The following ERC1 variants were observed in gnomAD, a reference collection of about 807,000 sequenced individuals.
The protein encoded by ERC1 is ELKS/RAB6-interacting/CAST family member 1.
Under a neutral mutation model 132.0 loss-of-function variants are expected in ERC1, and 56 were observed. The ratio of observed to expected loss-of-function variants is 0.42; its 90% confidence interval spans 0.34 to 0.53. The LOEUF (loss-of-function observed/expected upper bound fraction) is 0.53. Among genes scored for constraint, ERC1 ranks in the 20% least tolerant of loss-of-function variants. The pLI, the probability that ERC1 is intolerant of heterozygous loss-of-function variation, is 0.03. For synonymous variants in ERC1, 478 were observed against 476.1 expected, an observed-to-expected ratio of 1.00 and a Z score of -0.05; for missense variants, 1,202 against 1,349.9, an observed-to-expected ratio of 0.89 and a Z score of 1.72.
chr12:1,389,001 T>C (rs1208914472), intron 16 of ERC1, among the ~76,000 whole-genome samples: 1 of 152,216 alleles, frequency 6.6e-6, no homozygotes, highest in Non-Finnish European at 1.5e-5. Flanking sequence ...GCTCTTTCAG[T>C]ATGAGGCCTT....
intron 13 of ERC1, among the ~76,000 whole-genome samples, chr12:1,253,498 G>GAAACCTTATC (rs1416041819): frequency 6.6e-6 from 1 of 152,108 alleles, no homozygotes; most frequent in African/African-American, 2.4e-5. Flanking sequence ...CCAACATGTA[G>GAAACCTTATC]AAACCTTATC....
intron 18 of ERC1, among the ~76,000 whole-genome samples, chr12:1,488,464 G>A (rs10848491): frequency 0.51 from 76,931 of 152,018 alleles, 21,402 homozygotes; most frequent in Middle Eastern, 0.65. Context: ...AGGCAGAGGC[G>A]GGATTACTTG....
At chr12:1,034,858 A>T (rs1968761624) in intron 2 of ERC1, among the ~76,000 whole-genome samples, 1 of 152,204 alleles carries the variant, frequency 6.6e-6, no homozygotes, top group Admixed American at 6.5e-5. Flanking sequence ...GAATCTTCTG[A>T]ATACTTCAGT....
chr12:1,172,170 A>G (rs1255205198), intron 8 of ERC1, among the ~76,000 whole-genome samples: 1 of 152,194 alleles, frequency 6.6e-6, no homozygotes, highest in Non-Finnish European at 1.5e-5. Flanking sequence ...CAGTTAATTT[A>G]AAAATGTTTC....
At chr12:1,421,164 G>A (rs1475331717) in intron 17 of ERC1, among the ~76,000 whole-genome samples, 3 of 152,108 alleles carry the variant, frequency 2.0e-5, no homozygotes, top group African/African-American at 7.2e-5. Flanking sequence ...ATAACAAATT[G>A]TTGTTAATTA....
In ERC1 at chr12:1,400,917, T is replaced by TTA. The variant is rs1491529417; in HGVS notation, c.2926-7231_2926-7230insAT. ...CAATATTGTTTTGGCTATTTTTGTA[T>TTA]TTTTTTTTTTTTTTTTTTTTTTTTT... On this transcript the variant is annotated intron_variant, in intron 16 of 18. Transcript: ENST00000360905. Among the ~76,000 whole-genome samples the TTA allele has an allele frequency of 1.3e-3, 5 of 3,968 alleles. 1 individual carries two copies. The highest frequency in any genetic ancestry group is 6.0e-3 in the African/African-American group (4 of 670). 2.6% of individuals were successfully genotyped at this position (3,968 alleles called of 152,430 possible). A position where few individuals can be genotyped will look rare whatever the true frequency, so the allele number is the denominator to read the frequency against.
chr12:1,058,789 G>GGTTT (rs372718066), intron 2 of ERC1, among the ~76,000 whole-genome samples: 1 of 129,864 alleles, frequency 7.7e-6, no homozygotes, highest in African/African-American at 2.9e-5. Flanking sequence ...TGGAAAGTAT[G>GGTTT]TTTTTTTTTT....
At chr12:1,248,312 A>T (rs950038452) in intron 13 of ERC1, among the ~76,000 whole-genome samples, 1 of 152,206 alleles carries the variant, frequency 6.6e-6, no homozygotes, top group Non-Finnish European at 1.5e-5. Context: ...ACATTGTCTC[A>T]TGGAAAAACA....
At position 1,453,526 on chromosome 12, in the gene ERC1, T is replaced by C. The variant is rs575524289; in HGVS notation, c.3213+8776T>C. The stretch of plus-strand genomic sequence containing the variant: ...CTTGATGTCAAGCTCCCTGTCATTC[T>C]GTGTCCATGTTGTGATTGAAGAAAG... On this transcript the variant is annotated intron_variant, in intron 18 of 18. Transcript: ENST00000360905. Among the ~76,000 whole-genome samples, 312 of 152,356 alleles carry C rather than the reference T, an allele frequency of 2.0e-3. 4 individuals are homozygous for C. Among genetic ancestry groups the C allele is most frequent in the Non-Finnish European group, 2.6e-3 (180 of 68,022 alleles).
intron 16 of ERC1, among the ~76,000 whole-genome samples, chr12:1,393,812 G>A (rs1180005966): frequency 6.6e-6 from 1 of 151,228 alleles, no homozygotes; most frequent in Non-Finnish European, 1.5e-5. Flanking sequence ...CAGATCACGA[G>A]GTCAGGAGAT....
At chr12:1,426,812 C>T (rs1329967104) in intron 17 of ERC1, among the ~76,000 whole-genome samples, 1 of 152,128 alleles carries the variant, frequency 6.6e-6, no homozygotes, top group Non-Finnish European at 1.5e-5. Flanking sequence ...ATGTGTCGTT[C>T]TTTTTTTCTT....
At chr12:1,216,657 A>G (rs1958455666) in intron 12 of ERC1, among the ~76,000 whole-genome samples, 1 of 149,622 alleles carries the variant, frequency 6.7e-6, no homozygotes, top group Non-Finnish European at 1.5e-5. Context: ...TGATATGTAC[A>G]AAAACACTTT....
intron 18 of ERC1, among the ~76,000 whole-genome samples, chr12:1,465,158 C>G (rs2093719889): frequency 6.6e-6 from 1 of 152,090 alleles, no homozygotes; most frequent in Admixed American, 6.6e-5. Context: ...GTGTCATCTT[C>G]CAGAGATGAT....
At chr12:1,181,775 C>T (rs1385468823) in intron 9 of ERC1, 150 bp from the exon 10 acceptor site, 3 of 789,286 alleles carry the variant, frequency 3.8e-6, no homozygotes, top group South Asian at 4.7e-5. Context: ...AAGAGCGAAA[C>T]TCTGTCTCAA....
chr12:1,348,187 T>C (rs2084662398), intron 15 of ERC1, among the ~76,000 whole-genome samples: 1 of 152,216 alleles, frequency 6.6e-6, no homozygotes, highest in Non-Finnish European at 1.5e-5. Flanking sequence ...TGCCTCTTCC[T>C]GGTTTCGATT....
chr12:1,206,581 A>G (rs543684451), intron 12 of ERC1, among the ~76,000 whole-genome samples: 104 of 152,208 alleles, frequency 6.8e-4, no homozygotes, highest in Non-Finnish European at 1.4e-3. Context: ...CACATTTTCT[A>G]TCTTCAGACA....
intron 3 of ERC1, among the ~76,000 whole-genome samples, chr12:1,101,490 T>C (rs1330278571): frequency 6.6e-6 from 1 of 152,210 alleles, no homozygotes; most frequent in Non-Finnish European, 1.5e-5. Context: ...GCTGGAATTG[T>C]CTGTAAATAT....
At chr12:1,319,160 A>G (rs2081957449) in intron 15 of ERC1, among the ~76,000 whole-genome samples, 1 of 151,730 alleles carries the variant, frequency 6.6e-6, no homozygotes, top group Non-Finnish European at 1.5e-5. Context: ...TACTTTCTTC[A>G]TTTTTCATCC....
intron 2 of ERC1, among the ~76,000 whole-genome samples, chr12:1,068,430 C>G (rs1403858951): frequency 6.6e-6 from 1 of 152,064 alleles, no homozygotes; most frequent in Non-Finnish European, 1.5e-5. Flanking sequence ...AGTTTCTCTT[C>G]TGGCCCTTTC....
Sources: allele counts gnomAD v4.1 joint callset (sites outside exome capture counted in the v4.1 genomes callset), GRCh38; gene constraint gnomAD v4.1.1; transcripts MANE v1.5; gene names NCBI Gene and HGNC (gene_info 2026-07-23, HGNC 2026-07-21).